The following IRAG2 variants were observed in gnomAD, a reference collection of about 807,000 sequenced individuals.
IRAG2 encodes the protein lymphoid restricted membrane protein.
Under a neutral mutation model 69.9 loss-of-function variants are expected in IRAG2, and 45 were observed. That is an observed-to-expected ratio of 0.64 (90% confidence interval 0.51 to 0.83). The LOEUF (loss-of-function observed/expected upper bound fraction) is 0.83, where lower values mean the gene tolerates loss of function less well. IRAG2 is among the 40% of genes least tolerant of loss of function. IRAG2 has a pLI of 0.00. For synonymous variants in IRAG2, 193 were observed against 202.4 expected (o/e 0.95, Z 0.40); for missense variants, 520 against 587.0 (o/e 0.89, Z 1.18).
At chr12:25,015,734 T>G (rs2139827712) in intron 5 of IRAG2, among the ~76,000 whole-genome samples, 1 of 152,360 alleles carries the variant, frequency 6.6e-6, no homozygotes, top group East Asian at 1.9e-4. Flanking sequence ...GTTATGATAT[T>G]GACCTTACAC....
rs1947076740 is a variant in IRAG2, at chr12:25,079,853, A to G, written c.244+90A>G. 40 of 696,732 alleles carry G rather than the reference A, an allele frequency of 5.7e-5. No homozygotes were observed. The South Asian group carries it at 7.2e-4, about 13-fold the overall frequency. The allele number at this position is 696,732 out of a possible 1,614,324, so 43.2% of individuals were successfully genotyped here. A position where few individuals can be genotyped will look rare whatever the true frequency, so the allele number is the denominator to read the frequency against. ...TGAAGTAACTATCCACACTAGCTCA[A>G]TAATGTTATTTAATTTTTTTTGTAA... On this transcript the variant is annotated intron_variant, in intron 9 of 21. Transcript: ENST00000556887.
chr12:25,018,197 T>C (rs1020670587), intron 6 of IRAG2, among the ~76,000 whole-genome samples: 35 of 142,968 alleles, frequency 2.4e-4, no homozygotes, highest in Non-Finnish European at 4.4e-4. Flanking sequence ...TTTCTTCTTT[T>C]TTTTTTTTTT....
At chr12:25,094,988 T>A (rs1480201864) in intron 14 of IRAG2, among the ~76,000 whole-genome samples, 1 of 152,184 alleles carries the variant, frequency 6.6e-6, no homozygotes, top group Non-Finnish European at 1.5e-5. Flanking sequence ...TTTTAGTGTT[T>A]ACTATGTATG....
At chr12:25,047,535 T>G (rs565008969), upstream of IRAG2, among the ~76,000 whole-genome samples, 11 of 152,300 alleles carry the variant, frequency 7.2e-5, no homozygotes, top group South Asian at 2.3e-3. Context: ...TGTGCCATAG[T>G]GGTTTGCTGC....
intron 10 of IRAG2, among the ~76,000 whole-genome samples, chr12:25,031,397 C>G (rs1038069744): frequency 1.3e-5 from 2 of 152,152 alleles, no homozygotes; most frequent in Non-Finnish European, 2.9e-5. Context: ...AGATCAGGTA[C>G]TCACTACCTG....
intron 2 of IRAG2, among the ~76,000 whole-genome samples, chr12:25,010,346 A>C (rs1944464615): frequency 6.6e-6 from 1 of 152,078 alleles, no homozygotes. Context: ...GTGTGGTGGC[A>C]CATGCCTGTA....
At chr12:25,031,835 C>T (rs1165439801) in intron 10 of IRAG2, among the ~76,000 whole-genome samples, 2 of 151,986 alleles carry the variant, frequency 1.3e-5, no homozygotes, top group Admixed American at 6.6e-5. Context: ...GCTAATTTTG[C>T]GTTTTTAGTA....
intron 16 of IRAG2, among the ~76,000 whole-genome samples, chr12:25,039,678 C>G (rs1413757552): frequency 6.6e-6 from 1 of 152,210 alleles, no homozygotes; most frequent in Non-Finnish European, 1.5e-5. Context: ...GATCCGCCCC[C>G]CTCGGCCTCC....
intron 8 of IRAG2, among the ~76,000 whole-genome samples, chr12:25,025,945 T>A (rs1222357753): frequency 1.3e-5 from 2 of 152,254 alleles, no homozygotes; most frequent in South Asian, 4.1e-4. Flanking sequence ...GGTTCGAAAA[T>A]TTTTTGTAAA....
chr12:25,090,283 C>A, intron 14 of IRAG2, 86 bp downstream of exon 14: 2 of 1,302,116 alleles, frequency 1.5e-6, no homozygotes, highest in Non-Finnish European at 2.1e-6. Context: ...TTTGGGAGGC[C>A]AAGGCAGGAG....
chr12:24,997,615 G>A, the IRAG2 span: 5 of 153,190 alleles, frequency 3.3e-5, no homozygotes, highest in African/African-American at 1.2e-4. Flanking sequence ...GCGAAAATAA[G>A]GTGGTGAGTT....
intron 4 of IRAG2, among the ~76,000 whole-genome samples, chr12:25,064,099 G>A (rs757532948): frequency 6.6e-6 from 1 of 152,050 alleles, no homozygotes; most frequent in African/African-American, 2.4e-5. Flanking sequence ...CCAGGAATTC[G>A]AGACCAGCCC....
intron 6 of IRAG2, among the ~76,000 whole-genome samples, chr12:25,077,653 A>G (rs1035848102): frequency 9.9e-5 from 15 of 151,944 alleles, no homozygotes; most frequent in Non-Finnish European, 1.9e-4. Context: ...GGGCTTCTTC[A>G]GGATAAGAAC....
intron 5 of IRAG2, among the ~76,000 whole-genome samples, chr12:25,015,938 G>C (rs993795933): frequency 2.0e-5 from 3 of 152,228 alleles, no homozygotes; most frequent in Non-Finnish European, 4.4e-5. Context: ...CCTCACGCCT[G>C]TAATCCCAGC....
At chr12:25,103,319 C>T (rs1480011918) in intron 17 of IRAG2, 1 of 153,494 alleles carries the variant, frequency 6.5e-6, no homozygotes, top group Non-Finnish European at 1.4e-5. Flanking sequence ...AAAAGCTATA[C>T]ATGTAGGTGC....
intron 4 of IRAG2, 95 bp from the exon 5 acceptor site, chr12:25,066,269 AC>A: frequency 2.5e-6 from 1 of 397,324 alleles, no homozygotes. Context: ...GTTAACTTTC[AC>A]TTTTTCAGTC....
chr12:25,029,878 A>G (rs1944655440), intron 9 of IRAG2, among the ~76,000 whole-genome samples: 1 of 152,152 alleles, frequency 6.6e-6, no homozygotes, highest in African/African-American at 2.4e-5. Flanking sequence ...AGAGTCTTCT[A>G]TGTGTCCTCA....
chr12:25,045,788 T>C (rs192305673), intron 16 of IRAG2, among the ~76,000 whole-genome samples: 111 of 150,712 alleles, frequency 7.4e-4, no homozygotes, highest in African/African-American at 2.4e-3. Context: ...TGGTGAATTC[T>C]ACCAAACATT....
chr12:25,065,933 G>A (rs927515803), intron 4 of IRAG2, among the ~76,000 whole-genome samples: 1 of 152,108 alleles, frequency 6.6e-6, no homozygotes, highest in African/African-American at 2.4e-5. Flanking sequence ...GACTCCTAAA[G>A]TGCTGGGATT....
Sources: gnomAD v4.1 joint callset for allele counts (sites outside exome capture counted in the v4.1 genomes callset) on GRCh38, gnomAD v4.1.1 for gene constraint, MANE v1.5 for transcripts, NCBI Gene and HGNC (gene_info 2026-07-23, HGNC 2026-07-21) for gene names.